Variants in XIAP observed in about 807,000 individuals in gnomAD.
XIAP encodes the protein X-linked inhibitor of apoptosis.
Under a neutral mutation model 33.1 loss-of-function variants are expected in XIAP, and 3 were observed. The observed-to-expected ratio is 0.09, with a 90% CI of 0.04 to 0.23. XIAP has a LOEUF of 0.23. XIAP is among the 10% of genes least tolerant of loss of function. The probability of loss-of-function intolerance (pLI) is 1.00; values close to 1 mark genes in which losing one functional copy is unlikely to be tolerated. For missense variants in XIAP, 264 were observed against 363.0 expected, an observed-to-expected ratio of 0.73 and a Z score of 2.22; for synonymous variants, 98 against 121.3, an observed-to-expected ratio of 0.81 and a Z score of 1.26.
intron 6 of XIAP, among the ~76,000 whole-genome samples, chrX:123,901,627 CT>C (rs1467255681): frequency 9.0e-6 from 1 of 111,624 alleles, no homozygotes; most frequent in Non-Finnish European, 1.9e-5. Context: ...ATTTCAAGTG[CT>C]TTTGAAACAC....
chrX:123,877,088 C>CA (rs2053252799), intron 1 of XIAP, among the ~76,000 whole-genome samples: 1 of 102,721 alleles, frequency 9.7e-6, no homozygotes, highest in African/African-American at 3.6e-5. Flanking sequence ...TTTTTTGAGA[C>CA]AGAGTTTTGC....
Position 123,886,376 on chromosome X carries a change from A to G in XIAP, c.714A>G (p.Arg238=). 8.3e-7 allele frequency: 1 copy of G among 1,211,878 alleles called. No individual in the cohort carries two copies. Among genetic ancestry groups the G allele is most frequent in the South Asian group, 1.8e-5 (1 of 57,014 alleles). ...TTTTGGGCCGGAATCTTAATATTCG[A>G]AGTGAATCTGATGCTGTGAGTTCTG... ...FFVLGRNLNI[R]SESDAVSSDR... is the part of the protein sequence containing the mutation. Residue 238 remains arginine, a synonymous_variant, in exon 2 of 7, where the codon CGA becomes CGG. Transcript: ENST00000371199.
chrX:123,893,053 C>G (rs768898016), intron 5 of XIAP, among the ~76,000 whole-genome samples: 2 of 108,860 alleles, frequency 1.8e-5, no homozygotes, highest in South Asian at 8.2e-4. Flanking sequence ...AACTCCTGAT[C>G]TTGTGATGCG....
intron 4 of XIAP, among the ~76,000 whole-genome samples, chrX:123,892,471 G>A (rs2053416792): frequency 9.0e-6 from 1 of 111,575 alleles, no homozygotes; most frequent in Non-Finnish European, 1.9e-5. Context: ...TGGGAGACTA[G>A]AGTTGCCCCC....
At chrX:123,894,539 C>G (rs1174512480) in intron 5 of XIAP, among the ~76,000 whole-genome samples, 2 of 111,926 alleles carry the variant, frequency 1.8e-5, no homozygotes, top group African/African-American at 3.2e-5. Context: ...GAGGCCAAGG[C>G]AGGTGGATCA....
intron 5 of XIAP, 141 bp downstream of exon 5, chrX:123,892,914 G>A (rs752190181): frequency 6.8e-5 from 34 of 500,392 alleles, no homozygotes; most frequent in Non-Finnish European, 7.3e-5. Flanking sequence ...TCTGCCTCCC[G>A]GGTTCAACCG....
intron 2 of XIAP, among the ~76,000 whole-genome samples, chrX:123,888,329 AG>A (rs2053373237): frequency 8.9e-6 from 1 of 112,399 alleles, no homozygotes; most frequent in Non-Finnish European, 1.9e-5. Flanking sequence ...AGCCAGACTC[AG>A]TCTCAAAAAA....
At chrX:123,893,102 G>C (rs1217965747) in intron 5 of XIAP, among the ~76,000 whole-genome samples, 1 of 109,745 alleles carries the variant, frequency 9.1e-6, no homozygotes, top group Non-Finnish European at 1.9e-5. Flanking sequence ...TTACAGGCAT[G>C]AGCCACCGCA....
At chrX:123,891,843 A>AG (rs1240742229) in intron 4 of XIAP, among the ~76,000 whole-genome samples, 1 of 107,872 alleles carries the variant, frequency 9.3e-6, no homozygotes, top group Admixed American at 1.0e-4. Flanking sequence ...AAAAAAAAAA[A>AG]AGAGAGAGCC....
At chrX:123,869,446 C>T (rs761495303) in intron 1 of XIAP, among the ~76,000 whole-genome samples, 67 of 105,522 alleles carry the variant, frequency 6.3e-4, no homozygotes, top group African/African-American at 2.3e-3. Flanking sequence ...ATTACTTGAG[C>T]CTGGGAGGTG....
Position 123,913,015 on chromosome X carries a change from A to G in XIAP, c.*5834A>G, listed in dbSNP as rs989856897. 1.4e-5 allele frequency: 4 copies of G among 292,452 alleles called. No homozygotes were observed. The highest frequency in any genetic ancestry group is 1.1e-4 in the East Asian group (1 of 8,992). 24.1% of individuals were successfully genotyped at this position (292,452 alleles called of 1,213,427 possible). A position where few individuals can be genotyped will look rare whatever the true frequency, so the allele number is the denominator to read the frequency against. On this transcript the variant is annotated 3_prime_UTR_variant, in exon 7 of 7. Coordinates refer to ENST00000371199, the MANE Select transcript of XIAP (RefSeq NM_001167.4). ...AGGCTGGTCTCGAACTCCTGATCTC[A>G]GGTGATCTGCCTGCCTCGGCCTCAC...
At chrX:123,871,246 C>A (rs900031375) in intron 1 of XIAP, among the ~76,000 whole-genome samples, 8 of 105,454 alleles carry the variant, frequency 7.6e-5, no homozygotes, top group Non-Finnish European at 1.2e-4. Context: ...TGGCCATGAG[C>A]CACCAAGCCT....
rs2053605318 is a variant in XIAP at position 123,911,815 on chromosome X, A to G, written c.*4634A>G. The G allele has an allele frequency of 3.0e-6, 1 of 329,875 alleles. No individual in the cohort carries two copies. The highest frequency in any genetic ancestry group is 5.9e-6 in the Non-Finnish European group (1 of 170,094). The allele number at this position is 329,875 out of a possible 1,213,427, so 27.2% of individuals were successfully genotyped here. A position where few individuals can be genotyped will look rare whatever the true frequency, so the allele number is the denominator to read the frequency against. On this transcript the variant is annotated 3_prime_UTR_variant, in exon 7 of 7. Transcript: ENST00000371199. ...TCAATAATCATTTTCAGTTTGACTCATACAGTTAACACAATGTGAATTTCT... is the reference window on the plus strand; with the variant it reads ...TCAATAATCATTTTCAGTTTGACTCGTACAGTTAACACAATGTGAATTTCT...
At chrX:123,871,260 C>G (rs374899070) in intron 1 of XIAP, among the ~76,000 whole-genome samples, 48 of 91,602 alleles carry the variant, frequency 5.2e-4, no homozygotes, top group African/African-American at 2.0e-3. Context: ...CAAGCCTGGT[C>G]GAGACCCCAT....
chrX:123,865,376 TCTTTA>T (rs1334686303), intron 1 of XIAP, among the ~76,000 whole-genome samples: 2 of 111,075 alleles, frequency 1.8e-5, no homozygotes, highest in African/African-American at 6.5e-5. Flanking sequence ...ACCCCATCTT[TCTTTA>T]CATGTTCACA....
At position 123,908,007 on chromosome X, in the gene XIAP, C is replaced by T. The variant is rs1354249832; in HGVS notation, c.*826C>T. ...CAGAGGGGTTTTATAGGGGCCTTTT[C>T]ACTTTCTACTTTTTTCATTTTGTTC... On this transcript the variant is annotated 3_prime_UTR_variant, in exon 7 of 7. Coordinates refer to ENST00000371199, the MANE Select transcript of XIAP (RefSeq NM_001167.4). 2.7e-6 allele frequency: 1 copy of T among 370,754 alleles called. No individual in the cohort carries two copies. The highest frequency in any genetic ancestry group is 5.8e-5 in the East Asian group (1 of 17,266). 30.6% of individuals were successfully genotyped at this position (370,754 alleles called of 1,213,427 possible).
intron 1 of XIAP, among the ~76,000 whole-genome samples, chrX:123,884,878 C>CAGAT (rs1350975194): frequency 9.2e-6 from 1 of 108,174 alleles, no homozygotes; most frequent in Non-Finnish European, 1.9e-5. Flanking sequence ...TCCATTTGAA[C>CAGAT]AGATTGTTAC....
chrX:123,911,713 T>A lies in XIAP; in HGVS notation c.*4532T>A. On this transcript the variant is annotated 3_prime_UTR_variant, in exon 7 of 7. Transcript: ENST00000371199. Reference sequence around the variant, plus strand: ...GGTCAAACCCTTAAAAATATTTAAATTCTTAAAAAATTGAAAAGATTATTC... The same window carrying A: ...GGTCAAACCCTTAAAAATATTTAAAATCTTAAAAAATTGAAAAGATTATTC... 1 of 328,406 alleles carries A rather than the reference T, an allele frequency of 3.0e-6. No homozygotes were observed. The highest frequency in any genetic ancestry group is 5.9e-6 in the Non-Finnish European group (1 of 169,825). 27.1% of individuals were successfully genotyped at this position (328,406 alleles called of 1,213,427 possible).
At chrX:123,893,238 G>A (rs916176113) in intron 5 of XIAP, among the ~76,000 whole-genome samples, 17 of 109,779 alleles carry the variant, frequency 1.5e-4, no homozygotes, top group Non-Finnish European at 3.0e-4. Flanking sequence ...GAATTTAGGC[G>A]GCCGGGCGTG....
Sources: gnomAD v4.1 joint callset for allele counts (sites outside exome capture counted in the v4.1 genomes callset) on GRCh38, gnomAD v4.1.1 for gene constraint, MANE v1.5 for transcripts, NCBI Gene and HGNC (gene_info 2026-07-23, HGNC 2026-07-21) for gene names.